Variants in GALNT13 observed in about 807,000 individuals in gnomAD.
GALNT13 encodes the protein UDP-GalNAc:polypeptide N-acetylgalactosaminyltransferase 13.
In GALNT13, 28 loss-of-function variants were observed where a neutral mutation model predicts 64.2. The observed-to-expected ratio is 0.44, with a 90% confidence interval of 0.32 to 0.60. The LOEUF (loss-of-function observed/expected upper bound fraction) is 0.60. Ranked by LOEUF, GALNT13 falls within the 20% of genes least tolerant of loss-of-function variation. The pLI is 0.05. For synonymous variants in GALNT13, 214 were observed against 224.6 expected, an observed-to-expected ratio of 0.95 and a Z score of 0.42; for missense variants, 577 against 669.8, an observed-to-expected ratio of 0.86 and a Z score of 1.53.
At chr2:153,585,433 G>T in the GALNT13 span, among the ~76,000 whole-genome samples, 13 of 152,164 alleles carry the variant, frequency 8.5e-5, no homozygotes, top group African/African-American at 2.9e-4. Context: ...TTTGAACTAT[G>T]TTGGTTGAAC....
chr2:154,287,163 CCAAA>C, intron 8 of GALNT13: 1 of 1,481,640 alleles, frequency 6.7e-7, no homozygotes, highest in East Asian at 2.3e-5. Flanking sequence ...GCGGTGGAAG[CCAAA>C]CAATTGGCTC....
the GALNT13 span, among the ~76,000 whole-genome samples, chr2:153,599,452 T>C: frequency 6.6e-6 from 1 of 152,052 alleles, no homozygotes; most frequent in Non-Finnish European, 1.5e-5. Flanking sequence ...CTGAGATCCA[T>C]GTTTTTAGCA....
chr2:154,100,924 G>C (rs1177849268), intron 3 of GALNT13, among the ~76,000 whole-genome samples: 1 of 148,778 alleles, frequency 6.7e-6, no homozygotes. Context: ...GAGGATGTTG[G>C]AGTTTATCAA....
chr2:153,497,522 ATTTTTTTTTTTTTTTTTT>A, the GALNT13 span, among the ~76,000 whole-genome samples: 10 of 36,894 alleles, frequency 2.7e-4, 1 homozygote, highest in Non-Finnish European at 4.3e-4. Context: ...TTTCTCCCGC[ATTTTTTTTTTTTTTTTTT>A]TTTTTTTTTT....
At chr2:154,405,967 G>T (rs1203550347) in intron 10 of GALNT13, among the ~76,000 whole-genome samples, 1 of 152,126 alleles carries the variant, frequency 6.6e-6, no homozygotes, top group African/African-American at 2.4e-5. Context: ...CTTTACTCTG[G>T]AAGTAAATGG....
chr2:153,539,472 C>T, the GALNT13 span, among the ~76,000 whole-genome samples: 254 of 151,962 alleles, frequency 1.7e-3, no homozygotes, highest in African/African-American at 5.8e-3. Flanking sequence ...TTGCCCATGC[C>T]TATGTCCTCA....
chr2:153,186,557 T>C, the GALNT13 span, among the ~76,000 whole-genome samples: 1 of 152,042 alleles, frequency 6.6e-6, no homozygotes, highest in Non-Finnish European at 1.5e-5. Context: ...CACTGGTCTG[T>C]GTACTTCAGT....
intron 8 of GALNT13, among the ~76,000 whole-genome samples, chr2:154,272,959 G>T (rs569781163): frequency 1.3e-5 from 2 of 152,184 alleles, no homozygotes; most frequent in East Asian, 1.9e-4. Context: ...AGCTACAACT[G>T]CCATTAAATT....
Position 153,905,371 on chromosome 2 carries a change from A to G in GALNT13, c.-105+4364A>G, listed in dbSNP as rs116143351. ...TAGTACTAAACCTTATATATAGACT[A>G]TGGTTTTTTCTATATATACATACCT... On this transcript the variant is annotated intron_variant, in intron 2 of 12. Transcript: ENST00000392825. Among the ~76,000 whole-genome samples the G allele has an allele frequency of 4.7e-3, 720 of 152,062 alleles. 2 individuals carry two copies. Among genetic ancestry groups the G allele is most frequent in the Non-Finnish European group, 7.9e-3 (537 of 67,930 alleles).
chr2:153,966,225 T>C (rs1016459729), intron 3 of GALNT13, among the ~76,000 whole-genome samples: 3 of 150,506 alleles, frequency 2.0e-5, no homozygotes, highest in Non-Finnish European at 4.4e-5. Context: ...ATTTCTTTTT[T>C]TTTTTTTTTT....
chr2:154,238,604 A>G (rs1689318294), intron 4 of GALNT13, among the ~76,000 whole-genome samples: 1 of 152,050 alleles, frequency 6.6e-6, no homozygotes, highest in African/African-American at 2.4e-5. Context: ...ATATAAATAT[A>G]TGCATTTAAG....
the GALNT13 span, among the ~76,000 whole-genome samples, chr2:153,301,508 A>G: frequency 6.6e-6 from 1 of 152,196 alleles, no homozygotes; most frequent in South Asian, 2.1e-4. Flanking sequence ...GCTAATGTAT[A>G]TATTACCTTA....
At chr2:153,126,012 T>C in the GALNT13 span, among the ~76,000 whole-genome samples, 1 of 151,968 alleles carries the variant, frequency 6.6e-6, no homozygotes, top group Admixed American at 6.6e-5. Flanking sequence ...TTTGGGCCTT[T>C]GGTCATTCTA....
At chr2:153,376,124 G>A in the GALNT13 span, among the ~76,000 whole-genome samples, 1 of 152,060 alleles carries the variant, frequency 6.6e-6, no homozygotes, top group African/African-American at 2.4e-5. Context: ...TCCAACCATT[G>A]GAGATTAAAT....
At chr2:153,408,656 T>C in the GALNT13 span, among the ~76,000 whole-genome samples, 19 of 150,250 alleles carry the variant, frequency 1.3e-4, no homozygotes, top group African/African-American at 4.1e-4. Context: ...TTTTTTGTTT[T>C]TGTTTTTGTT....
the GALNT13 span, among the ~76,000 whole-genome samples, chr2:153,571,646 T>C: frequency 6.6e-6 from 1 of 152,060 alleles, no homozygotes; most frequent in Non-Finnish European, 1.5e-5. Context: ...TTTTGAGGGC[T>C]TTAACATCAA....
the GALNT13 span, among the ~76,000 whole-genome samples, chr2:153,532,720 A>T: frequency 6.6e-6 from 1 of 152,192 alleles, no homozygotes; most frequent in African/African-American, 2.4e-5. Context: ...CCCAGGCCAC[A>T]TCTTAAACAC....
At chr2:153,432,401 G>A in the GALNT13 span, among the ~76,000 whole-genome samples, 3 of 152,126 alleles carry the variant, frequency 2.0e-5, no homozygotes, top group African/African-American at 7.2e-5. Flanking sequence ...TTGGAAGAAG[G>A]GGTTTAATTA....
intron 8 of GALNT13, among the ~76,000 whole-genome samples, chr2:154,298,757 CTA>C (rs1426968101): frequency 3.2e-5 from 1 of 31,428 alleles, no homozygotes; most frequent in Non-Finnish European, 6.1e-5. Context: ...AATATATATA[CTA>C]TATATAAATT....
Sources: allele counts gnomAD v4.1 joint callset (sites outside exome capture counted in the v4.1 genomes callset), GRCh38; gene constraint gnomAD v4.1.1; transcripts MANE v1.5; gene names NCBI Gene and HGNC (gene_info 2026-07-23, HGNC 2026-07-21).